The following PDZRN3 variants were observed in gnomAD, a reference collection of about 807,000 sequenced individuals.
The protein encoded by PDZRN3 is PDZ domain containing ring finger 3, also known as E3 ubiquitin-protein ligase PDZRN3.
In PDZRN3, 38 loss-of-function variants were observed where a neutral mutation model predicts 85.7. That is an observed-to-expected ratio of 0.44 (90% CI 0.34 to 0.58). The LOEUF is 0.58. PDZRN3 is among the 20% of genes least tolerant of loss of function. The pLI is 0.01. For synonymous variants in PDZRN3, 759 were observed against 638.0 expected, an observed-to-expected ratio of 1.19 and a Z score of -2.86; for missense variants, 1,629 against 1,506.4, an observed-to-expected ratio of 1.08 and a Z score of -1.35.
intron 3 of PDZRN3, among the ~76,000 whole-genome samples, chr3:73,563,256 C>T (rs943564538): frequency 6.6e-5 from 10 of 150,700 alleles, no homozygotes; most frequent in Non-Finnish European, 1.5e-4. Context: ...AGGATGGTCT[C>T]GATCTCCTGA....
At chr3:73,541,334 T>C (rs1193622130) in intron 3 of PDZRN3, among the ~76,000 whole-genome samples, 1 of 152,222 alleles carries the variant, frequency 6.6e-6, no homozygotes, top group African/African-American at 2.4e-5. Flanking sequence ...CATTTAAATA[T>C]GCCCAATATA....
At chr3:73,543,970 G>A (rs570253230) in intron 3 of PDZRN3, among the ~76,000 whole-genome samples, 5 of 152,294 alleles carry the variant, frequency 3.3e-5, no homozygotes, top group East Asian at 3.9e-4. Context: ...TATTCCCAGC[G>A]CTCTGCCGAA....
In PDZRN3 at chr3:73,573,972, G is replaced by C. The variant is rs549371695; in HGVS notation, c.918+28382C>G. Among the ~76,000 whole-genome samples, 6 of 152,244 alleles carry C rather than the reference G, an allele frequency of 3.9e-5. No individual in the cohort carries two copies. In the South Asian group the frequency reaches 1.2e-3, roughly 32 times the overall value. ...AAGATAAGCTGGCCAAGTTTGCCTT[G>C]CCATATATGCAAACTTCTAGCTGCC... On this transcript the variant is annotated intron_variant, in intron 3 of 9. Transcript: ENST00000263666.
At chr3:73,435,099 T>C (rs1702506871) in intron 3 of PDZRN3, among the ~76,000 whole-genome samples, 1 of 152,170 alleles carries the variant, frequency 6.6e-6, no homozygotes, top group Non-Finnish European at 1.5e-5. Flanking sequence ...AGACGTGCCA[T>C]GGGGCCTGAA....
At chr3:73,407,458 CT>C (rs1287126885) in intron 3 of PDZRN3, among the ~76,000 whole-genome samples, 2 of 152,192 alleles carry the variant, frequency 1.3e-5, no homozygotes, top group Admixed American at 6.5e-5. Flanking sequence ...ATTCCTTATA[CT>C]TTAGGTCATT....
chr3:73,516,503 G>C (rs980340654), intron 3 of PDZRN3, among the ~76,000 whole-genome samples: 1 of 152,132 alleles, frequency 6.6e-6, no homozygotes, highest in African/African-American at 2.4e-5. Context: ...TTTCTATTGG[G>C]TAGTGTGTCT....
intron 3 of PDZRN3, among the ~76,000 whole-genome samples, chr3:73,421,797 G>A (rs1292328242): frequency 6.6e-6 from 1 of 152,070 alleles, no homozygotes; most frequent in African/African-American, 2.4e-5. Context: ...ACAGGTGTGT[G>A]CCACCACGAC....
At chr3:73,424,098 G>T (rs377136896) in intron 3 of PDZRN3, among the ~76,000 whole-genome samples, 2 of 152,004 alleles carry the variant, frequency 1.3e-5, no homozygotes, top group East Asian at 1.9e-4. Flanking sequence ...AACTTTGGGA[G>T]GAAAATATAA....
chr3:73,429,792 A>ATCATTCATTCTTCAGGTTGCCTG (rs1233151183), intron 3 of PDZRN3, among the ~76,000 whole-genome samples: 9 of 152,284 alleles, frequency 5.9e-5, no homozygotes, highest in Non-Finnish European at 1.2e-4. Flanking sequence ...GCGTTCTCAA[A>ATCATTCATTCTTCAGGTTGCCTG]TCATTCATTC....
At chr3:73,536,870 C>T (rs6650910) in intron 3 of PDZRN3, among the ~76,000 whole-genome samples, 2,010 of 152,068 alleles carry the variant, frequency 0.013, 45 homozygotes, top group African/African-American at 0.046. Flanking sequence ...GGTCTTAATC[C>T]CTCTGTTTGC....
intron 3 of PDZRN3, among the ~76,000 whole-genome samples, chr3:73,425,483 GC>G: frequency 6.6e-6 from 1 of 152,088 alleles, no homozygotes; most frequent in African/African-American, 2.4e-5. Context: ...GAGAACCACT[GC>G]CCTAGCGGAA....
Position 73,458,596 on chromosome 3 carries a change from G to A in PDZRN3, c.919-54201C>T, listed in dbSNP as rs1453133407. On this transcript the variant is annotated intron_variant, in intron 3 of 9. Transcript: ENST00000263666. ...GGAAACTGACCTGCATGATCTCTTA[G>A]ATCTCAAAGCTTGCATTTTGAGCAT... Among the ~76,000 whole-genome samples the A allele has an allele frequency of 2.0e-5, 3 of 148,624 alleles. No individual in the cohort carries two copies. The South Asian group carries it at 6.7e-4, about 33-fold the overall frequency.
chr3:73,450,852 A>C (rs1383431203), intron 3 of PDZRN3, among the ~76,000 whole-genome samples: 2 of 152,080 alleles, frequency 1.3e-5, no homozygotes, highest in African/African-American at 4.8e-5. Flanking sequence ...TCTGGATGAG[A>C]CCTGCAGAAT....
chr3:73,550,550 T>C (rs1701530358), intron 3 of PDZRN3, among the ~76,000 whole-genome samples: 1 of 152,256 alleles, frequency 6.6e-6, no homozygotes, highest in South Asian at 2.1e-4. Context: ...ACCACTGTTG[T>C]AAGCAGACCT....
chr3:73,591,946 T>C (rs957753822), intron 3 of PDZRN3, among the ~76,000 whole-genome samples: 5 of 152,170 alleles, frequency 3.3e-5, no homozygotes, highest in Non-Finnish European at 5.9e-5. Context: ...TATCCTGACC[T>C]ATCTCATATT....
chr3:73,570,803 G>T (rs1387808809), intron 3 of PDZRN3, among the ~76,000 whole-genome samples: 3 of 152,154 alleles, frequency 2.0e-5, no homozygotes, highest in East Asian at 3.9e-4. Flanking sequence ...AGGTGCCCAG[G>T]AGGTCCCCAG....
intron 3 of PDZRN3, among the ~76,000 whole-genome samples, chr3:73,443,498 T>G (rs564789854): frequency 1.4e-3 from 182 of 129,064 alleles, no homozygotes; most frequent in African/African-American, 6.0e-3. Context: ...TTTTTTTTTT[T>G]GGGGGGGGGA....
intron 7 of PDZRN3, among the ~76,000 whole-genome samples, chr3:73,389,370 C>T (rs1701470859): frequency 6.6e-6 from 1 of 152,144 alleles, no homozygotes; most frequent in Non-Finnish European, 1.5e-5. Flanking sequence ...TCAATCGATG[C>T]TGCTAAATTT....
chr3:73,443,512 C>T (rs529527123), intron 3 of PDZRN3, among the ~76,000 whole-genome samples: 16 of 132,852 alleles, frequency 1.2e-4, no homozygotes, highest in Middle Eastern at 4.1e-3. Context: ...GGGGGGACAG[C>T]GCTTGCTTTG....
Sources: allele counts gnomAD v4.1 joint callset (sites outside exome capture counted in the v4.1 genomes callset), GRCh38; gene constraint gnomAD v4.1.1; transcripts MANE v1.5; gene names NCBI Gene and HGNC (gene_info 2026-07-23, HGNC 2026-07-21).